The following MYO16 variants were observed in gnomAD, a reference collection of about 807,000 sequenced individuals.
The protein encoded by MYO16 is myosin XVI, also known as unconventional myosin-XVI.
In MYO16, 94 loss-of-function variants were observed where a neutral mutation model predicts 205.3. The ratio of observed to expected loss-of-function variants is 0.46; its 90% CI spans 0.39 to 0.54. MYO16 has a LOEUF of 0.54. Ranked by LOEUF, MYO16 falls within the 20% of genes least tolerant of loss-of-function variation. The pLI is 0.00. For missense variants in MYO16, 2,315 were observed against 2,387.5 expected, an observed-to-expected ratio of 0.97 and a Z score of 0.63; for synonymous variants, 988 against 954.0, an observed-to-expected ratio of 1.04 and a Z score of -0.66.
chr13:108,848,901 G>A (rs952102061), intron 10 of MYO16, among the ~76,000 whole-genome samples: 1 of 152,194 alleles, frequency 6.6e-6, no homozygotes, highest in Non-Finnish European at 1.5e-5. Context: ...ACCACAGCAG[G>A]TTTCTAAGAT....
At position 109,072,170 on chromosome 13, in the gene MYO16, A is replaced by G. The variant is rs148578903; in HGVS notation, c.3335+16575A>G. On this transcript the variant is annotated intron_variant, in intron 27 of 34. Transcript: ENST00000457511. ...CAGACGCTCATCAGCTTCACAATCC[A>G]GGTTAGGTCCTCTTGGTAAATCTCT... Among the ~76,000 whole-genome samples, 114 of 152,270 alleles carry G rather than the reference A, an allele frequency of 7.5e-4. 2 individuals are homozygous for G. The East Asian group carries it at 0.014, about 19-fold the overall frequency.
chr13:108,949,225 T>C (rs184423338), intron 16 of MYO16, among the ~76,000 whole-genome samples: 1 of 152,312 alleles, frequency 6.6e-6, no homozygotes, highest in Admixed American at 6.5e-5. Flanking sequence ...GATAAAATTT[T>C]AATTTAGAAA....
chr13:108,630,614 T>A (rs138314516), intron 1 of MYO16, among the ~76,000 whole-genome samples: 1,827 of 152,318 alleles, frequency 0.012, 16 homozygotes, highest in Non-Finnish European at 0.017. Flanking sequence ...TACATTTTTG[T>A]CCCCTGCAGC....
intron 14 of MYO16, 94 bp from the exon 15 acceptor site, chr13:108,897,922 C>T: frequency 9.9e-7 from 1 of 1,009,342 alleles, no homozygotes; most frequent in Non-Finnish European, 1.5e-6. Flanking sequence ...AACTTTCAGA[C>T]CAAGAAGTAT....
intron 22 of MYO16, among the ~76,000 whole-genome samples, chr13:109,017,840 T>C (rs1472251577): frequency 6.6e-6 from 1 of 151,822 alleles, no homozygotes; most frequent in East Asian, 1.9e-4. Context: ...TTCTCTACAC[T>C]GGTTATTCTA....
At chr13:108,955,423 A>G (rs1883310424) in intron 16 of MYO16, among the ~76,000 whole-genome samples, 1 of 152,070 alleles carries the variant, frequency 6.6e-6, no homozygotes, top group African/African-American at 2.4e-5. Context: ...TTGGGGAAAA[A>G]GAAGTTCTCA....
the MYO16 span, among the ~76,000 whole-genome samples, chr13:108,581,529 G>C: frequency 6.6e-6 from 1 of 151,362 alleles, no homozygotes; most frequent in Non-Finnish European, 1.5e-5. Context: ...CTTCATTGTG[G>C]TTCCATTAGG....
At chr13:108,898,351 AGT>A (rs3042037) in intron 15 of MYO16, among the ~76,000 whole-genome samples, 5,268 of 145,036 alleles carry the variant, frequency 0.036, 134 homozygotes, top group Admixed American at 0.046. Context: ...AGGGTGTGTG[AGT>A]GTGTGTGTGT....
At chr13:108,539,235 T>C in the MYO16 span, among the ~76,000 whole-genome samples, 3 of 152,146 alleles carry the variant, frequency 2.0e-5, no homozygotes, top group Non-Finnish European at 4.4e-5. Flanking sequence ...AATTTAATGC[T>C]CAGACACATA....
At chr13:108,611,728 A>G (rs1024612874) in intron 1 of MYO16, among the ~76,000 whole-genome samples, 2 of 152,132 alleles carry the variant, frequency 1.3e-5, no homozygotes, top group African/African-American at 2.4e-5. Flanking sequence ...GACCCAGGGT[A>G]GGTAAGCAAG....
intron 1 of MYO16, among the ~76,000 whole-genome samples, chr13:108,659,076 T>G (rs1881375098): frequency 1.3e-5 from 2 of 151,436 alleles, no homozygotes; most frequent in African/African-American, 4.8e-5. Context: ...TTTTTTTAGT[T>G]CATTTTCCTC....
chr13:109,009,614 C>T (rs1885524451), intron 22 of MYO16, among the ~76,000 whole-genome samples: 1 of 152,152 alleles, frequency 6.6e-6, no homozygotes, highest in Non-Finnish European at 1.5e-5. Flanking sequence ...ATCACATAAA[C>T]AGCAATTGCG....
rs369705566 is a variant in MYO16 at position 108,859,406 on chromosome 13, G to T, written c.1359+3853G>T. ...ATAACTGAGGGTTGAGCAATGATTT[G>T]TTTTCAGAGCCAAGATAAAATATTT... On this transcript the variant is annotated intron_variant, in intron 11 of 34. Coordinates refer to ENST00000457511, the MANE Select transcript of MYO16 (RefSeq NM_001198950.3). Among the ~76,000 whole-genome samples, 10 of 152,296 alleles carry T rather than the reference G, an allele frequency of 6.6e-5. No individual in the cohort carries two copies. In the South Asian group the frequency reaches 8.3e-4, roughly 13 times the overall value.
At chr13:109,170,457 A>G (rs1594154751) in intron 33 of MYO16, among the ~76,000 whole-genome samples, 1 of 152,044 alleles carries the variant, frequency 6.6e-6, no homozygotes, top group Non-Finnish European at 1.5e-5. Context: ...AGCGATTTGG[A>G]GAGATGACTA....
chr13:108,777,282 A>G (rs1022490264), intron 4 of MYO16, among the ~76,000 whole-genome samples: 1 of 152,186 alleles, frequency 6.6e-6, no homozygotes, highest in Admixed American at 6.5e-5. Flanking sequence ...GTAGAAGACA[A>G]AAAGTCCACC....
chr13:108,645,060 G>T (rs770472149), intron 1 of MYO16, among the ~76,000 whole-genome samples: 5 of 152,174 alleles, frequency 3.3e-5, no homozygotes, highest in Non-Finnish European at 7.4e-5. Flanking sequence ...AGACATCAGG[G>T]GTGGGGACAA....
chr13:108,559,377 C>T, the MYO16 span, among the ~76,000 whole-genome samples: 8 of 152,038 alleles, frequency 5.3e-5, no homozygotes, highest in East Asian at 1.5e-3. Flanking sequence ...AACACCTTGA[C>T]TTGCATTTCC....
chr13:109,153,054 A>T (rs1172906584), intron 32 of MYO16, among the ~76,000 whole-genome samples: 1 of 152,174 alleles, frequency 6.6e-6, no homozygotes, highest in East Asian at 1.9e-4. Context: ...TTTTACATAG[A>T]GATACTACTC....
intron 4 of MYO16, among the ~76,000 whole-genome samples, chr13:108,781,192 A>T (rs1391787213): frequency 6.6e-6 from 1 of 152,220 alleles, no homozygotes; most frequent in African/African-American, 2.4e-5. Flanking sequence ...TACCACTGAT[A>T]AGTGGAGTGC....
Sources: gnomAD v4.1 joint callset for allele counts (sites outside exome capture counted in the v4.1 genomes callset) on GRCh38, gnomAD v4.1.1 for gene constraint, MANE v1.5 for transcripts, NCBI Gene and HGNC (gene_info 2026-07-23, HGNC 2026-07-21) for gene names.